Variants in SORL1 observed in about 807,000 individuals in gnomAD.
SORL1 encodes sortilin related receptor 1.
In SORL1, 127 loss-of-function variants were observed where a neutral mutation model predicts 273.7. That is an observed-to-expected ratio of 0.46 (90% confidence interval 0.40 to 0.54). The LOEUF (loss-of-function observed/expected upper bound fraction) is 0.54, where lower values mean the gene tolerates loss of function less well. SORL1 is among the 20% of genes least tolerant of loss of function. SORL1 has a pLI of 0.00. For missense variants in SORL1, 2,494 were observed against 2,846.1 expected (o/e 0.88, Z 2.81); for synonymous variants, 1,031 against 1,067.4 (o/e 0.97, Z 0.66).
chr11:121,511,077 T>C (rs1462764706), intron 6 of SORL1, among the ~76,000 whole-genome samples: 1 of 152,166 alleles, frequency 6.6e-6, no homozygotes, highest in Non-Finnish European at 1.5e-5. Flanking sequence ...TTGGTGGAAG[T>C]AAAACAATAC....
Position 121,633,649 on chromosome 11 carries a change from G to A in SORL1, c.*4086G>A, listed in dbSNP as rs1197365185. ...TGTCTCAATGTCAACTTTTTTCACT[G>A]AATAAAAATTTAACTGGGTCAAGAA... is the stretch of plus-strand genomic sequence containing the variant. On this transcript the variant is annotated 3_prime_UTR_variant, in exon 48 of 48. Transcript: ENST00000260197. 1 of 152,052 alleles carries A rather than the reference G, an allele frequency of 6.6e-6. No homozygotes were observed. The highest frequency in any genetic ancestry group is 2.4e-5 in the African/African-American group (1 of 41,398). 9.4% of individuals were successfully genotyped at this position (152,052 alleles called of 1,614,324 possible). A position where few individuals can be genotyped will look rare whatever the true frequency, so the allele number is the denominator to read the frequency against.
At chr11:121,557,760 A>G (rs539507745) in intron 19 of SORL1, among the ~76,000 whole-genome samples, 1 of 152,278 alleles carries the variant, frequency 6.6e-6, no homozygotes, top group South Asian at 2.1e-4. Flanking sequence ...AATTCATTCC[A>G]TCTTTCCCCT....
At chr11:121,598,887 C>T (rs534668170) in intron 32 of SORL1, among the ~76,000 whole-genome samples, 4 of 152,238 alleles carry the variant, frequency 2.6e-5, no homozygotes, top group South Asian at 2.1e-4. Flanking sequence ...GCTTTTGTTT[C>T]GGCTGCCTGA....
intron 12 of SORL1, among the ~76,000 whole-genome samples, chr11:121,533,528 T>A (rs1036769189): frequency 6.6e-6 from 1 of 152,236 alleles, no homozygotes; most frequent in South Asian, 2.1e-4. Context: ...GAATGGTTCA[T>A]GTTAGGTCAA....
At chr11:121,586,109 G>A in intron 26 of SORL1, 113 bp from the exon 27 acceptor site, 2 of 783,512 alleles carry the variant, frequency 2.6e-6, no homozygotes, top group Non-Finnish European at 4.5e-6. Context: ...GCTAGTTACA[G>A]CCAAATTGCC....
intron 12 of SORL1, among the ~76,000 whole-genome samples, chr11:121,535,781 C>T (rs2134875921): frequency 6.6e-6 from 1 of 151,832 alleles, no homozygotes; most frequent in Non-Finnish European, 1.5e-5. Flanking sequence ...TGCCTTGAGT[C>T]TCCTCTGAGA....
chr11:121,465,819 G>GC (rs1165862926), intron 1 of SORL1, among the ~76,000 whole-genome samples: 1 of 152,260 alleles, frequency 6.6e-6, no homozygotes, highest in East Asian at 1.9e-4. Context: ...GAACCACCAC[G>GC]CCCGGCTGGG....
chr11:121,485,214 G>A (rs1861456308), intron 3 of SORL1, among the ~76,000 whole-genome samples: 1 of 152,162 alleles, frequency 6.6e-6, no homozygotes, highest in Non-Finnish European at 1.5e-5. Flanking sequence ...TCAGGGGCTG[G>A]GGATGGAGAG....
At chr11:121,608,458 C>T (rs1339964310) in intron 38 of SORL1, 2 of 355,096 alleles carry the variant, frequency 5.6e-6, no homozygotes, top group Admixed American at 4.4e-5. Context: ...TGTGAGTAGT[C>T]AAAATATCTA....
chr11:121,498,002 C>A (rs568898516), intron 6 of SORL1, among the ~76,000 whole-genome samples: 1 of 152,250 alleles, frequency 6.6e-6, no homozygotes, highest in Non-Finnish European at 1.5e-5. Flanking sequence ...AGGATCTCCC[C>A]AGCAGGAAAA....
Position 121,627,867 on chromosome 11 carries a change from C to A in SORL1, c.6577+100C>A. ...ACCCACCTTCAGCTCCTCTTTTGAC[C>A]CTGGAGGAGCTCTTCATCAGCCAGC... is the stretch of plus-strand genomic sequence containing the variant. On this transcript the variant is annotated intron_variant, in intron 47 of 47. Transcript: ENST00000260197. This position sits in a 1 kb window ranked among gnomAD's most constrained non-coding sequence, Gnocchi z 4.9. 2.7e-6 allele frequency: 2 copies of A among 750,050 alleles called. No homozygotes were observed. Among genetic ancestry groups the A allele is most frequent in the Admixed American group, 2.8e-5 (1 of 36,030 alleles). 46.5% of individuals were successfully genotyped at this position (750,050 alleles called of 1,614,324 possible).
At chr11:121,467,711 G>T (rs1232881216) in intron 1 of SORL1, among the ~76,000 whole-genome samples, 1 of 152,182 alleles carries the variant, frequency 6.6e-6, no homozygotes, top group Non-Finnish European at 1.5e-5. Flanking sequence ...AGGGGATTGG[G>T]CTGGAGAGGA....
chr11:121,625,135 T>C lies in SORL1; in HGVS notation c.6222T>C (p.Leu2074=). The C allele has an allele frequency of 6.2e-7, 1 of 1,613,632 alleles. No homozygotes were observed. The highest frequency in any genetic ancestry group is 8.5e-7 in the Non-Finnish European group (1 of 1,179,536). ...GTGCCATGAATATCACAGCTTACCT[T>C]GGGAATACTACTGACAATTTCTTTA... ...FDSAMNITAY[L]GNTTDNFFKI... Residue 2074 remains leucine (L), a synonymous_variant, in exon 46 of 48, where the codon CTT becomes CTC. Transcript: ENST00000260197.
intron 1 of SORL1, among the ~76,000 whole-genome samples, chr11:121,453,930 G>A (rs552297098): frequency 1.3e-5 from 2 of 152,316 alleles, no homozygotes; most frequent in African/African-American, 4.8e-5. Context: ...CTGGTATAAA[G>A]GGGGAAAGGA....
rs1175661640 is a variant in SORL1, at chr11:121,627,445, G to A, written c.6365-110G>A. 14 of 817,980 alleles carry A rather than the reference G, an allele frequency of 1.7e-5. No individual in the cohort carries two copies. The highest frequency in any genetic ancestry group is 2.9e-5 in the Non-Finnish European group (14 of 485,460). 50.7% of individuals were successfully genotyped at this position (817,980 alleles called of 1,614,324 possible). On this transcript the variant is annotated intron_variant, in intron 46 of 47. Coordinates refer to ENST00000260197, the MANE Select transcript of SORL1 (RefSeq NM_003105.6). This position sits in a 1 kb window ranked among gnomAD's most constrained non-coding sequence, Gnocchi z 4.9. ...GTCTCACACCAGACAGGCAGTTTGTGTAGCTGTGGCTATCGCCCAGCTTTT... is the reference window on the plus strand; with the variant it reads ...GTCTCACACCAGACAGGCAGTTTGTATAGCTGTGGCTATCGCCCAGCTTTT...
intron 5 of SORL1, among the ~76,000 whole-genome samples, chr11:121,495,018 C>T (rs1222020038): frequency 4.6e-5 from 7 of 152,186 alleles, no homozygotes; most frequent in African/African-American, 1.2e-4. Context: ...CTGGTTTCTC[C>T]GTTGCCCTAA....
intron 18 of SORL1, 115 bp from the exon 19 acceptor site, chr11:121,557,199 T>C (rs748218980): frequency 2.5e-6 from 2 of 786,736 alleles, no homozygotes; most frequent in South Asian, 1.5e-5. Flanking sequence ...GTCAGGGAAA[T>C]AGGCAGGCAT....
chr11:121,598,083 C>T (rs1013156795), intron 32 of SORL1, among the ~76,000 whole-genome samples: 10 of 152,042 alleles, frequency 6.6e-5, no homozygotes, highest in East Asian at 3.8e-4. Context: ...GTAGATAGGG[C>T]GACCCCTGTG....
At chr11:121,547,099 T>C (rs1862438079) in intron 14 of SORL1, 1 of 152,220 alleles carries the variant, frequency 6.6e-6, no homozygotes, top group South Asian at 2.1e-4. Flanking sequence ...TTCAGTTCCA[T>C]GCTGTTTGCC....
Sources: gnomAD v4.1 joint callset for allele counts (sites outside exome capture counted in the v4.1 genomes callset) on GRCh38, gnomAD v4.1.1 for gene constraint, Gnocchi (gnomAD v3.1) non-coding constraint, MANE v1.5 for transcripts, NCBI Gene and HGNC (gene_info 2026-07-23, HGNC 2026-07-21) for gene names.